The following PTPRD variants were observed in gnomAD, a reference collection of about 807,000 sequenced individuals.
PTPRD encodes the protein protein tyrosine phosphatase receptor type D.
A neutral mutation model predicts 214.5 loss-of-function variants in PTPRD; 34 were observed. The ratio of observed to expected loss-of-function variants is 0.16; its 90% CI spans 0.12 to 0.21. PTPRD has a LOEUF of 0.21. PTPRD is among the 10% of genes least tolerant of loss of function. The pLI is 1.00. For synonymous variants in PTPRD, 1,128 were observed against 845.7 expected, an observed-to-expected ratio of 1.33 and a Z score of -5.79; for missense variants, 2,545 against 2,398.7, an observed-to-expected ratio of 1.06 and a Z score of -1.27.
intron 12 of PTPRD, among the ~76,000 whole-genome samples, chr9:8,663,147 T>C (rs1260590503): frequency 4.6e-5 from 7 of 152,118 alleles, no homozygotes; most frequent in Admixed American, 1.3e-4. Flanking sequence ...AACTGGTCTT[T>C]TGATTGAAAG....
chr9:8,370,587 G>T (rs1212537180), intron 39 of PTPRD, among the ~76,000 whole-genome samples: 3 of 152,082 alleles, frequency 2.0e-5, no homozygotes, highest in African/African-American at 4.8e-5. Flanking sequence ...GAATGGAAAA[G>T]ACTCACATGC....
At chr9:10,459,878 A>T (rs2098945868) in intron 2 of PTPRD, among the ~76,000 whole-genome samples, 1 of 151,872 alleles carries the variant, frequency 6.6e-6, no homozygotes, top group Admixed American at 6.5e-5. Context: ...AATATTAAGA[A>T]AAGAAATTTA....
chr9:10,152,518 T>C (rs1485420706), intron 3 of PTPRD, among the ~76,000 whole-genome samples: 4 of 152,110 alleles, frequency 2.6e-5, no homozygotes, highest in African/African-American at 7.2e-5. Flanking sequence ...TGGAATATTA[T>C]TGAGCCTTAA....
rs76463269 is a variant in PTPRD at position 8,734,790 on chromosome 9, A to G, written c.-103-844T>C. Among the ~76,000 whole-genome samples, 431 of 152,350 alleles carry G rather than the reference A, an allele frequency of 2.8e-3. 2 individuals carry two copies. Among genetic ancestry groups the G allele is most frequent in the African/African-American group, 9.8e-3 (409 of 41,574 alleles). On this transcript the variant is annotated intron_variant, in intron 11 of 45. Transcript: ENST00000381196. ...GTACACCAGATGATTAGTACAATTT[A>G]ATAAGTGATTAGCGCCAGGAAGGAA...
At chr9:8,728,287 A>G (rs1689304662) in intron 12 of PTPRD, among the ~76,000 whole-genome samples, 1 of 152,250 alleles carries the variant, frequency 6.6e-6, no homozygotes, top group South Asian at 2.1e-4. Flanking sequence ...CAAGCAATTT[A>G]TCTTTTAAAG....
chr9:10,226,533 A>C (rs989851093), intron 3 of PTPRD, among the ~76,000 whole-genome samples: 1 of 152,050 alleles, frequency 6.6e-6, no homozygotes, highest in Admixed American at 6.6e-5. Context: ...CAAGCACTCA[A>C]AATATACTCC....
chr9:9,614,493 A>T (rs911451143), intron 7 of PTPRD, among the ~76,000 whole-genome samples: 6 of 152,214 alleles, frequency 3.9e-5, no homozygotes, highest in African/African-American at 1.4e-4. Context: ...TATTAAATGG[A>T]TCATTATTTA....
At chr9:8,584,324 G>A (rs1039547143) in intron 14 of PTPRD, among the ~76,000 whole-genome samples, 1 of 151,900 alleles carries the variant, frequency 6.6e-6, no homozygotes, top group African/African-American at 2.4e-5. Flanking sequence ...TGTCTTTTCT[G>A]GTCACATCTT....
chr9:8,844,197 G>T (rs1390473150), intron 11 of PTPRD, among the ~76,000 whole-genome samples: 1 of 151,940 alleles, frequency 6.6e-6, no homozygotes, highest in Non-Finnish European at 1.5e-5. Context: ...GTTCATATAG[G>T]CTTGTGGATA....
At chr9:8,331,044 TCTAGAAA>T (rs1457905194) in intron 44 of PTPRD, among the ~76,000 whole-genome samples, 5 of 147,108 alleles carry the variant, frequency 3.4e-5, no homozygotes, top group Admixed American at 2.0e-4. Flanking sequence ...TATAAAATGC[TCTAGAAA>T]CTATTGAAAA....
At chr9:8,988,048 T>C (rs183412479) in intron 11 of PTPRD, among the ~76,000 whole-genome samples, 1 of 151,236 alleles carries the variant, frequency 6.6e-6, no homozygotes, top group African/African-American at 2.4e-5. Flanking sequence ...AAGGAGGAAG[T>C]TGGGGAGAGA....
At chr9:10,308,808 G>C (rs902642384) in intron 3 of PTPRD, among the ~76,000 whole-genome samples, 2 of 151,862 alleles carry the variant, frequency 1.3e-5, no homozygotes, top group African/African-American at 4.8e-5. Flanking sequence ...TCTTTTTATA[G>C]CTGCATTATA....
intron 7 of PTPRD, among the ~76,000 whole-genome samples, chr9:9,710,661 A>G (rs186617721): frequency 2.3e-3 from 352 of 152,152 alleles, no homozygotes; most frequent in African/African-American, 8.4e-3. Context: ...CTTCCTAAAA[A>G]ATTAACTAAA....
intron 14 of PTPRD, among the ~76,000 whole-genome samples, chr9:8,571,110 A>C (rs1472595714): frequency 3.3e-5 from 5 of 152,024 alleles, no homozygotes; most frequent in Admixed American, 6.6e-5. Context: ...TCCATTTATC[A>C]ATTTTTACCT....
intron 5 of PTPRD, among the ~76,000 whole-genome samples, chr9:9,853,722 T>C (rs1193029734): frequency 6.6e-6 from 1 of 152,082 alleles, no homozygotes; most frequent in East Asian, 1.9e-4. Flanking sequence ...CTAATGTTTG[T>C]ATTTTTAGTA....
chr9:9,689,797 G>A (rs1055841914), intron 7 of PTPRD, among the ~76,000 whole-genome samples: 1 of 151,820 alleles, frequency 6.6e-6, no homozygotes, highest in South Asian at 2.1e-4. Context: ...TTCCGTAGAC[G>A]TTGCTGCAAA....
intron 36 of PTPRD, among the ~76,000 whole-genome samples, chr9:8,398,656 C>A (rs2091769649): frequency 6.6e-6 from 1 of 152,092 alleles, no homozygotes; most frequent in African/African-American, 2.4e-5. Flanking sequence ...TATAAAAAAG[C>A]TTGAAAGATT....
At chr9:8,429,774 G>C (rs992540923) in intron 35 of PTPRD, among the ~76,000 whole-genome samples, 1 of 152,164 alleles carries the variant, frequency 6.6e-6, no homozygotes, top group Admixed American at 6.5e-5. Flanking sequence ...CAAATGTGTT[G>C]GGACTGGGCT....
At position 8,390,681 on chromosome 9, in the gene PTPRD, T is replaced by C. The variant is rs559381017; in HGVS notation, c.4211-1274A>G. Among the ~76,000 whole-genome samples, 5 of 152,306 alleles carry C rather than the reference T, an allele frequency of 3.3e-5. No homozygotes were observed. The South Asian group carries it at 1.0e-3, about 32-fold the overall frequency. ...ATGTAATTTAATGTAGATATTGTGA[T>C]TTAAAGCCTAGTTTTCCATCAGCAC... On this transcript the variant is annotated intron_variant, in intron 36 of 45. Coordinates refer to ENST00000381196, the MANE Select transcript of PTPRD (RefSeq NM_002839.4).
Sources: allele counts gnomAD v4.1 joint callset (sites outside exome capture counted in the v4.1 genomes callset), GRCh38; gene constraint gnomAD v4.1.1; transcripts MANE v1.5; gene names NCBI Gene and HGNC (gene_info 2026-07-23, HGNC 2026-07-21).